The following ATP5F1C variants were observed in gnomAD, a reference collection of about 807,000 sequenced individuals.
ATP5F1C encodes the protein ATP synthase F(1) complex subunit gamma, mitochondrial.
Under a neutral mutation model 37.4 loss-of-function variants are expected in ATP5F1C, and 22 were observed. The observed-to-expected ratio is 0.59, with a 90% CI of 0.42 to 0.84. ATP5F1C has a LOEUF of 0.84. Ranked by LOEUF, ATP5F1C falls within the 40% of genes least tolerant of loss-of-function variation. The pLI, the probability that ATP5F1C is intolerant of heterozygous loss-of-function variation, is 0.00. For synonymous variants in ATP5F1C, 121 were observed against 128.0 expected, an observed-to-expected ratio of 0.95 and a Z score of 0.37; for missense variants, 286 against 362.4, an observed-to-expected ratio of 0.79 and a Z score of 1.71.
chr10:7,796,936 TTATC>T (rs1836250667), intron 2 of ATP5F1C, 107 bp from the exon 3 acceptor site: 2 of 1,216,836 alleles, frequency 1.6e-6, no homozygotes, highest in African/African-American at 3.1e-5. Flanking sequence ...TGTTTATTGT[TTATC>T]TAAGCGCTCA....
intron 6 of ATP5F1C, 61 bp downstream of exon 6, chr10:7,800,152 A>G (rs1359699525): frequency 4.1e-6 from 6 of 1,472,342 alleles, no homozygotes; most frequent in Non-Finnish European, 5.7e-6. Context: ...TTTGTACACT[A>G]AGGCAGACAG....
intron 2 of ATP5F1C, 88 bp downstream of exon 2, chr10:7,796,243 C>G: frequency 1.6e-6 from 2 of 1,218,798 alleles, no homozygotes; most frequent in South Asian, 3.0e-5. Context: ...CTGCTTTAGC[C>G]CATTGTGTAT....
intron 1 of ATP5F1C, among the ~76,000 whole-genome samples, chr10:7,794,837 A>G (rs753120778): frequency 1.3e-5 from 2 of 152,188 alleles, no homozygotes; most frequent in Non-Finnish European, 2.9e-5. Flanking sequence ...TCAATTAGAG[A>G]AACCTTAGAT....
rs758991568 is a variant in ATP5F1C, at chr10:7,788,228, C to G, written c.21C>G (p.Val7=). The change falls in exon 1 of 10, where the codon GTC becomes GTG. Residue 7 remains valine (V), a synonymous_variant. Transcript: ENST00000356708. ...CTACCATGTTCTCTCGCGCGGGTGT[C>G]GCTGGGCTGTCGGCCTGGACCTTGC... is the stretch of plus-strand genomic sequence containing the variant. The part of the protein sequence containing the change: MFSRAG[V]AGLSAWTLQP... 6.2e-7 allele frequency: 1 copy of G among 1,613,552 alleles called. No homozygotes were observed. Among genetic ancestry groups the G allele is most frequent in the Non-Finnish European group, 8.5e-7 (1 of 1,179,922 alleles).
chr10:7,794,293 A>G (rs1241350268), intron 1 of ATP5F1C, among the ~76,000 whole-genome samples: 5 of 152,216 alleles, frequency 3.3e-5, no homozygotes, highest in Non-Finnish European at 7.3e-5. Context: ...GATTTTCTAC[A>G]TAGATAATCA....
Position 7,799,924 on chromosome 10 carries a change from G to C in ATP5F1C, c.572+9G>C. 1.9e-6 allele frequency: 3 copies of C among 1,608,204 alleles called. No homozygotes were observed. The highest frequency in any genetic ancestry group is 2.5e-6 in the Non-Finnish European group (3 of 1,177,614). On this transcript the variant is annotated intron_variant, in intron 5 of 9. Coordinates refer to ENST00000356708, the MANE Select transcript of ATP5F1C (RefSeq NM_001001973.3). Reference sequence around the variant, plus strand: ...ATCTTTAATAAATTCAGGCAAGACAGATTTAGAAATCAAAGCTTTTTTATG... The same window carrying C: ...ATCTTTAATAAATTCAGGCAAGACACATTTAGAAATCAAAGCTTTTTTATG...
At chr10:7,792,044 A>G (rs1836172332) in intron 1 of ATP5F1C, among the ~76,000 whole-genome samples, 1 of 152,216 alleles carries the variant, frequency 6.6e-6, no homozygotes, top group Non-Finnish European at 1.5e-5. Context: ...AATATCCAAG[A>G]GTGACTTGTT....
intron 8 of ATP5F1C, among the ~76,000 whole-genome samples, chr10:7,805,312 C>A (rs1836453436): frequency 6.6e-6 from 1 of 152,182 alleles, no homozygotes; most frequent in African/African-American, 2.4e-5. Context: ...CGGGAAGGAA[C>A]CACATTCTGA....
intron 4 of ATP5F1C, 39 bp from the exon 5 acceptor site, chr10:7,799,733 T>C (rs1836315141): frequency 6.2e-7 from 1 of 1,602,092 alleles, no homozygotes; most frequent in Admixed American, 1.7e-5. Context: ...AGCAGAAATC[T>C]TATTAAACTA....
At position 7,799,887 on chromosome 10, in the gene ATP5F1C, G is replaced by A; in HGVS notation, c.544G>A (p.Glu182Lys). The change falls in exon 5 of 10, where the codon GAA (glutamate) becomes AAA (lysine). Residue 182 changes from glutamate to lysine, a missense_variant. By Grantham distance (56) the Glu-to-Lys change is moderately conservative. Transcript: ENST00000356708. ...ELLNSGYEFD[E>K]GSIIFNKFRS... ...ACTAAATTCTGGATATGAATTTGATGAAGGCTCCATCATCTTTAATAAATT... is the reference window on the plus strand; with the variant it reads ...ACTAAATTCTGGATATGAATTTGATAAAGGCTCCATCATCTTTAATAAATT... 1 of 1,614,108 alleles carries A rather than the reference G, an allele frequency of 6.2e-7. No individual in the cohort carries two copies. Among genetic ancestry groups the A allele is most frequent in the Non-Finnish European group, 8.5e-7 (1 of 1,180,006 alleles).
chr10:7,798,489 C>T (rs1236655434), intron 3 of ATP5F1C, among the ~76,000 whole-genome samples: 8 of 152,184 alleles, frequency 5.3e-5, no homozygotes, highest in Non-Finnish European at 1.0e-4. Flanking sequence ...TTGCTGCAAG[C>T]TCTGCCTCCC....
At chr10:7,804,621 C>T (rs1836438511) in intron 8 of ATP5F1C, among the ~76,000 whole-genome samples, 1 of 152,216 alleles carries the variant, frequency 6.6e-6, no homozygotes, top group Non-Finnish European at 1.5e-5. Context: ...TCCTGTCTTC[C>T]ATTTAGCTTA....
At chr10:7,799,537 G>A in intron 4 of ATP5F1C, 1 of 577,360 alleles carries the variant, frequency 1.7e-6, no homozygotes. Flanking sequence ...AGGATTAGAA[G>A]GAGAGGAATA....
intron 2 of ATP5F1C, chr10:7,796,777 G>A (rs895538955): frequency 1.4e-5 from 3 of 213,152 alleles, no homozygotes; most frequent in South Asian, 1.1e-4. Flanking sequence ...GTGGAGACGG[G>A]GTTTCACCGT....
intron 6 of ATP5F1C, chr10:7,801,369 T>C (rs1356373193): frequency 6.6e-4 from 101 of 152,244 alleles, no homozygotes; most frequent in Admixed American, 6.5e-3. Context: ...TAATATATAG[T>C]ACTGTGTCAC....
At chr10:7,800,576 C>T (rs1836343413) in intron 6 of ATP5F1C, among the ~76,000 whole-genome samples, 1 of 148,770 alleles carries the variant, frequency 6.7e-6, no homozygotes, top group African/African-American at 2.5e-5. Flanking sequence ...CTCACTGCAA[C>T]CTTCGCCTCC....
chr10:7,805,818 G>A (rs1410247304), intron 8 of ATP5F1C, among the ~76,000 whole-genome samples: 1 of 151,738 alleles, frequency 6.6e-6, no homozygotes, highest in Non-Finnish European at 1.5e-5. Flanking sequence ...TGGGTGCATT[G>A]GCTCATGCTT....
intron 1 of ATP5F1C, among the ~76,000 whole-genome samples, chr10:7,794,219 T>G (rs1018052626): frequency 2.0e-5 from 3 of 152,244 alleles, no homozygotes; most frequent in African/African-American, 7.2e-5. Context: ...TACACTAACC[T>G]TATATCCTGC....
rs1439096643 is a variant in ATP5F1C at position 7,807,646 on chromosome 10, CTTTG to C, written c.*31-9_*31-6del. On this transcript the variant is annotated splice_polypyrimidine_tract_variant and intron_variant, in intron 9 of 9. Transcript: ENST00000356708. Reference sequence around the variant, plus strand: ...TGTTTGATTTCTTACTTGTTCTGTACTTTGTTTTTCAGGTAAAGAAGGAAAATTC... The same window carrying C: ...TGTTTGATTTCTTACTTGTTCTGTACTTTTTCAGGTAAAGAAGGAAAATTC... The C allele has an allele frequency of 1.9e-6, 3 of 1,606,522 alleles. No homozygotes were observed. Among genetic ancestry groups the C allele is most frequent in the South Asian group, 1.1e-5 (1 of 89,534 alleles).
Sources: allele counts gnomAD v4.1 joint callset (sites outside exome capture counted in the v4.1 genomes callset), GRCh38; gene constraint gnomAD v4.1.1; transcripts MANE v1.5; gene names NCBI Gene and HGNC (gene_info 2026-07-23, HGNC 2026-07-21).